Variants in DNAH1 observed in about 807,000 individuals in gnomAD.
DNAH1 encodes axonemal beta dynein heavy chain 1.
In DNAH1, 327 loss-of-function variants were observed where a neutral mutation model predicts 484.3. That is an observed-to-expected ratio of 0.68 (90% CI 0.62 to 0.74). The LOEUF (loss-of-function observed/expected upper bound fraction) is 0.74. Among genes scored for constraint, DNAH1 ranks in the 30% least tolerant of loss-of-function variants. The probability of loss-of-function intolerance (pLI) is 0.00; values close to 1 mark genes in which losing one functional copy is unlikely to be tolerated. For missense variants in DNAH1, 5,052 were observed against 5,546.8 expected (o/e 0.91, Z 2.83); for synonymous variants, 2,192 against 2,191.9 (o/e 1.00, Z 0.00).
intron 16 of DNAH1, 70 bp from the exon 17 acceptor site, chr3:52,351,892 C>CT: frequency 6.5e-7 from 1 of 1,541,918 alleles, no homozygotes; most frequent in Non-Finnish European, 8.8e-7. Flanking sequence ...TGGGATGCCC[C>CT]TGCCTGGTCT....
rs773755383 is a variant in DNAH1, at chr3:52,396,349, G to C, written c.11260-19G>C. On this transcript the variant is annotated intron_variant, in intron 70 of 77. Coordinates refer to ENST00000420323, the MANE Select transcript of DNAH1 (RefSeq NM_015512.5). ...ACCAGATATGGGTCTCAATGCTCAC[G>C]TGGAGCCATGGCCACCAGGTACACA... is the stretch of plus-strand genomic sequence containing the variant. 5 of 1,560,440 alleles carry C rather than the reference G, an allele frequency of 3.2e-6. No individual in the cohort carries two copies. The East Asian group carries it at 9.6e-5, about 30-fold the overall frequency.
At position 52,358,899 on chromosome 3, in the gene DNAH1, A is replaced by C. The variant is rs1331341499; in HGVS notation, c.4266+162A>C. Among the ~76,000 whole-genome samples the C allele has an allele frequency of 1.3e-5, 2 of 152,134 alleles. No homozygotes were observed. The highest frequency in any genetic ancestry group is 4.8e-5 in the African/African-American group (2 of 41,422). On this transcript the variant is annotated intron_variant, in intron 25 of 77. Coordinates refer to ENST00000420323, the MANE Select transcript of DNAH1 (RefSeq NM_015512.5). This position sits in a 1 kb window ranked among gnomAD's most constrained non-coding sequence, Gnocchi z 4.2. ...CTTTCCTTTCCACACACACTCCAGAAAGTGGGACTCACTCCTAATCATCGG... is the reference window on the plus strand; with the variant it reads ...CTTTCCTTTCCACACACACTCCAGACAGTGGGACTCACTCCTAATCATCGG...
At chr3:52,326,486 G>A (rs1701349996) in intron 4 of DNAH1, among the ~76,000 whole-genome samples, 172 bp downstream of exon 4, 2 of 152,196 alleles carry the variant, frequency 1.3e-5, no homozygotes, top group East Asian at 1.9e-4. Flanking sequence ...TTTACGTTAT[G>A]GAGTTGGGGA....
chr3:52,320,456 T>C lies in DNAH1; in HGVS notation c.-34-1953T>C, dbSNP rs556579642. Among the ~76,000 whole-genome samples, 420 of 152,348 alleles carry C rather than the reference T, an allele frequency of 2.8e-3. 1 individual carries two copies. Among genetic ancestry groups the C allele is most frequent in the South Asian group, 0.012 (58 of 4,830 alleles). On this transcript the variant is annotated intron_variant, in intron 1 of 77. Coordinates refer to ENST00000420323, the MANE Select transcript of DNAH1 (RefSeq NM_015512.5). The stretch of plus-strand genomic sequence containing the variant: ...TGCCAGAGCCCCATCTTTCCTTCTT[T>C]GGCCCTCAGGCGCCCTGACAACTCA...
rs562893788 is a variant in DNAH1, at chr3:52,371,934, CTA to C, written c.6526-10_6526-9del. ...GGTTCCAGGCCCACTGCTGAGCCAC[CTA>C]TGATTCCAGGTTGCCTGGGTGAAGT... On this transcript the variant is annotated splice_polypyrimidine_tract_variant and intron_variant, in intron 41 of 77. Transcript: ENST00000420323. The C allele has an allele frequency of 5.2e-4, 843 of 1,612,690 alleles. 3 individuals are homozygous for C. The African/African-American group carries it at 0.01, about 20-fold the overall frequency.
intron 6 of DNAH1, among the ~76,000 whole-genome samples, chr3:52,329,610 G>A (rs1455161797): frequency 1.3e-5 from 2 of 152,132 alleles, no homozygotes; most frequent in African/African-American, 4.8e-5. Context: ...GGCGGATCAT[G>A]AGGTCAGGAG....
In DNAH1 at chr3:52,373,012, A is replaced by C. The variant is rs765427908; in HGVS notation, c.6944A>C (p.Gln2315Pro). The C allele has an allele frequency of 6.2e-7, 1 of 1,613,464 alleles. No homozygotes were observed. Residue 2315 changes from glutamine (Q) to proline (P), a missense_variant, in exon 44 of 78, where the codon CAG (glutamine) becomes CCG (proline). By Grantham distance (76) the Gln-to-Pro change is moderately conservative. Coordinates refer to ENST00000420323, the MANE Select transcript of DNAH1 (RefSeq NM_015512.5). ...GAQPPIELLR[Q>P]WMDHGGWYDR... ...CAGCCACCCATCGAGCTGTTGCGCCAGTGGATGGACCACGGCGGCTGGTAC... is the reference window on the plus strand; with the variant it reads ...CAGCCACCCATCGAGCTGTTGCGCCCGTGGATGGACCACGGCGGCTGGTAC...
rs780363488 is a variant in DNAH1 at position 52,355,063 on chromosome 3, C to T, written c.3693+8C>T. The T allele has an allele frequency of 4.3e-6, 7 of 1,612,378 alleles. No homozygotes were observed. Among genetic ancestry groups the T allele is most frequent in the South Asian group, 3.3e-5 (3 of 91,062 alleles). On this transcript the variant is annotated splice_region_variant and intron_variant, in intron 21 of 77. Transcript: ENST00000420323. This position sits in a 1 kb window ranked among gnomAD's most constrained non-coding sequence, Gnocchi z 4.5. ...AAACTGAAGCTGACCCAGGTCGGCC[C>T]TCCCCCCAGTCCTTCCCTCATCGCT...
intron 14 of DNAH1, 91 bp downstream of exon 14, chr3:52,349,511 A>AGACCCTGCTTGGGG: frequency 7.9e-7 from 1 of 1,268,308 alleles, no homozygotes. Flanking sequence ...AGATGTCCCC[A>AGACCCTGCTTGGGG]AGCAGGGTCT....
In DNAH1 at chr3:52,359,945, G is replaced by A. The variant is rs1367020199; in HGVS notation, c.4437G>A (p.Gly1479=). The A allele has an allele frequency of 1.2e-6, 2 of 1,613,742 alleles. No homozygotes were observed. Among genetic ancestry groups the A allele is most frequent in the African/African-American group, 2.7e-5 (2 of 74,944 alleles). Residue 1479 remains glycine, a synonymous_variant, in exon 27 of 78, where the codon GGG becomes GGA. Transcript: ENST00000420323. ...GTGATCTGGTGGCCCTTGTGCGGGG[G>A]AAGCTGTCCCGCATGCAGCGGGCAG... ...QLSDLVALVR[G]KLSRMQRAVL... is the part of the protein sequence containing the mutation.
chr3:52,311,732 G>A (rs1335818048), upstream of DNAH1, among the ~76,000 whole-genome samples: 1 of 152,212 alleles, frequency 6.6e-6, no homozygotes, highest in Non-Finnish European at 1.5e-5. Context: ...GAAAGTGCTG[G>A]TTGTCATGGC....
chr3:52,346,728 A>G lies in DNAH1; in HGVS notation c.1913A>G (p.Asp638Gly). 1 of 1,613,314 alleles carries G rather than the reference A, an allele frequency of 6.2e-7. No individual in the cohort carries two copies. The highest frequency in any genetic ancestry group is 8.5e-7 in the Non-Finnish European group (1 of 1,179,338). ...TGTTGCAGCGTGCTCAACTGCACCGATGACATGGTCTGGGGTGACGACTTA... is the reference window on the plus strand; with the variant it reads ...TGTTGCAGCGTGCTCAACTGCACCGGTGACATGGTCTGGGGTGACGACTTA... Reference protein sequence around the residue: ...DTCCSVLNCTDDMVWGDDLIN... With the variant: ...DTCCSVLNCTGDMVWGDDLIN... The change falls in exon 11 of 78, where the codon GAT (aspartate) becomes GGT (glycine). Residue 638 changes from aspartate to glycine, a missense_variant. Asp to Gly is a moderately conservative substitution (Grantham distance 94). This residue lies in a region of DNAH1 where 1,263 missense variants were observed against 1,218.8 expected (regional missense o/e 1.04). Coordinates refer to ENST00000420323, the MANE Select transcript of DNAH1 (RefSeq NM_015512.5).
At position 52,395,994 on chromosome 3, in the gene DNAH1, A is replaced by G. The variant is rs1704607359; in HGVS notation, c.11259+316A>G. On this transcript the variant is annotated intron_variant, in intron 70 of 77. Coordinates refer to ENST00000420323, the MANE Select transcript of DNAH1 (RefSeq NM_015512.5). The surrounding 1 kb of genome is among the most constrained non-coding windows in gnomAD (Gnocchi z 4.4). ...CACTCTGTCACCGGGGCTGGGGTGC[A>G]GTGGTGCAATCTCGGTTCACTGCAA... 1.4e-5 allele frequency among the ~76,000 whole-genome samples: 2 copies of G among 144,658 alleles called. No individual in the cohort carries two copies. Among genetic ancestry groups the G allele is most frequent in the South Asian group, 2.2e-4 (1 of 4,580 alleles). The allele number at this position is 144,658 out of a possible 152,430, so 94.9% of individuals were successfully genotyped here.
chr3:52,352,542 T>G lies in DNAH1; in HGVS notation c.2872-10T>G. ...CAGGGGCATCTGACCCATTGCTCCT[T>G]GGCCTGCAGCTGGTAGTAGCTGGCT... On this transcript the variant is annotated splice_polypyrimidine_tract_variant and intron_variant, in intron 17 of 77. Coordinates refer to ENST00000420323, the MANE Select transcript of DNAH1 (RefSeq NM_015512.5). 1.2e-6 allele frequency: 2 copies of G among 1,605,774 alleles called. No homozygotes were observed. Among genetic ancestry groups the G allele is most frequent in the East Asian group, 2.2e-5 (1 of 44,642 alleles).
At chr3:52,346,402 A>G in intron 10 of DNAH1, 70 bp from the exon 11 acceptor site, 2 of 1,462,002 alleles carry the variant, frequency 1.4e-6, no homozygotes, top group Non-Finnish European at 1.8e-6. Flanking sequence ...TGGTGCATAG[A>G]GTCCCTGAGT....
At chr3:52,334,364 G>A (rs1012518055) in intron 8 of DNAH1, among the ~76,000 whole-genome samples, 1 of 152,222 alleles carries the variant, frequency 6.6e-6, no homozygotes, top group African/African-American at 2.4e-5. Context: ...TTGAGTCAGT[G>A]AGTGAGTGGT....
At position 52,373,911 on chromosome 3, in the gene DNAH1, T is replaced by C; in HGVS notation, c.6985+858T>C. On this transcript the variant is annotated intron_variant, in intron 44 of 77. Transcript: ENST00000420323. Reference sequence around the variant, plus strand: ...TTCCTCCAATCCTACGGGAGCAGAATTTGACTCAGAGGAAGATGAACCAAC... The same window carrying C: ...TTCCTCCAATCCTACGGGAGCAGAACTTGACTCAGAGGAAGATGAACCAAC... 3 of 1,369,958 alleles carry C rather than the reference T, an allele frequency of 2.2e-6. No individual in the cohort carries two copies. In the Admixed American group the frequency reaches 5.2e-5, roughly 24 times the overall value. 84.9% of individuals were successfully genotyped at this position (1,369,958 alleles called of 1,614,324 possible).
chr3:52,391,008 ACTTCATTGACCCTCAG>A lies in DNAH1; in HGVS notation c.9696_9711del (p.His3232GlnfsTer22). On this transcript the variant is annotated frameshift_variant, in exon 61 of 78. Transcript: ENST00000420323. LOFTEE classifies it high-confidence loss of function. ...AACCAGTTTTCCCAGCGCTGGACCC[ACTTCATTGACCCTCAG>A]AGCCAGGCCAACAAATGGATCAAGA... 1.3e-6 allele frequency: 2 copies of A among 1,555,438 alleles called. No homozygotes were observed. The highest frequency in any genetic ancestry group is 1.7e-6 in the Non-Finnish European group (2 of 1,149,226).
chr3:52,368,858 G>A lies in DNAH1; in HGVS notation c.5883G>A (p.Thr1961=), dbSNP rs766264889. 3.1e-5 allele frequency: 50 copies of A among 1,613,872 alleles called. No individual in the cohort carries two copies. The highest frequency in any genetic ancestry group is 2.4e-4 in the South Asian group (22 of 91,082). The change falls in exon 37 of 78, where the codon ACG becomes ACA. Residue 1961 remains threonine, a synonymous_variant. Coordinates refer to ENST00000420323, the MANE Select transcript of DNAH1 (RefSeq NM_015512.5). This position sits in a 1 kb window ranked among gnomAD's most constrained non-coding sequence, Gnocchi z 4.4. ...CCATCTGGATTGAGAACATGAACAC[G>A]GTGCTGGATGACAACAAGAAGCTGT... ...VDAIWIENMN[T]VLDDNKKLCL...
Sources: gnomAD v4.1 joint callset for allele counts (sites outside exome capture counted in the v4.1 genomes callset) on GRCh38, gnomAD v4.1.1 for gene constraint, gnomAD v4.1.1 regional missense constraint, Gnocchi (gnomAD v3.1) non-coding constraint, MANE v1.5 for transcripts, NCBI Gene and HGNC (gene_info 2026-07-23, HGNC 2026-07-21) for gene names.